SLAMF1: variants seen among roughly 807,000 people sequenced by gnomAD.
The protein encoded by SLAMF1 is signaling lymphocytic activation molecule family member 1.
A neutral mutation model predicts 35.1 loss-of-function variants in SLAMF1; 18 were observed. The ratio of observed to expected loss-of-function variants is 0.51; its 90% confidence interval spans 0.35 to 0.76. The LOEUF (loss-of-function observed/expected upper bound fraction) is 0.76, where lower values mean the gene tolerates loss of function less well. Ranked by LOEUF, SLAMF1 falls within the 30% of genes least tolerant of loss-of-function variation. The pLI is 0.01. For synonymous variants in SLAMF1, 168 were observed against 157.2 expected (o/e 1.07, Z -0.51); for missense variants, 392 against 413.0 (o/e 0.95, Z 0.44).
rs1243999095 is a variant in SLAMF1 at position 160,642,676 on chromosome 1, A to G, written c.76+4194T>C. 6.6e-6 allele frequency among the ~76,000 whole-genome samples: 1 copy of G among 152,192 alleles called. No individual in the cohort carries two copies. ...GAGTCCAAGTTCTCCTCCCTCCAAAAGCAGAATGTACTCTGATTTGCCTTT... is the reference window on the plus strand; with the variant it reads ...GAGTCCAAGTTCTCCTCCCTCCAAAGGCAGAATGTACTCTGATTTGCCTTT... On this transcript the variant is annotated intron_variant, in intron 1 of 6. Transcript: ENST00000302035. This position sits in a 1 kb window ranked among gnomAD's most constrained non-coding sequence, Gnocchi z 4.2.
chr1:160,641,087 T>C (rs184130358), intron 1 of SLAMF1, among the ~76,000 whole-genome samples: 111 of 152,204 alleles, frequency 7.3e-4, no homozygotes, highest in African/African-American at 2.5e-3. Flanking sequence ...TATAAAGAAA[T>C]GAGAAAAAAT....
intron 4 of SLAMF1, among the ~76,000 whole-genome samples, chr1:160,622,208 T>G (rs1364190352): frequency 3.3e-5 from 5 of 152,220 alleles, no homozygotes; most frequent in African/African-American, 7.2e-5. Context: ...AAGAACAGGT[T>G]TTTAGGAGTA....
Position 160,637,535 on chromosome 1 carries a change from G to A in SLAMF1, c.77-6C>T. ...GCAGTTCATCATGCGCCCACCTGTG[G>A]GAGGGAGGAGAAGAGAGTCCCTTAT... is the stretch of plus-strand genomic sequence containing the variant. On this transcript the variant is annotated splice_polypyrimidine_tract_variant and splice_region_variant and intron_variant, in intron 1 of 6. Coordinates refer to ENST00000302035, the MANE Select transcript of SLAMF1 (RefSeq NM_003037.5). 1 of 1,602,572 alleles carries A rather than the reference G, an allele frequency of 6.2e-7. No individual in the cohort carries two copies. Among genetic ancestry groups the A allele is most frequent in the Non-Finnish European group, 8.5e-7 (1 of 1,176,454 alleles).
At chr1:160,616,527 A>C (rs1659310636) in intron 5 of SLAMF1, among the ~76,000 whole-genome samples, 1 of 152,224 alleles carries the variant, frequency 6.6e-6, no homozygotes, top group African/African-American at 2.4e-5. Flanking sequence ...CTACAACAAA[A>C]TTAAGACCTT....
intron 4 of SLAMF1, among the ~76,000 whole-genome samples, chr1:160,622,386 A>G (rs1558006185): frequency 6.6e-6 from 1 of 152,214 alleles, no homozygotes; most frequent in Non-Finnish European, 1.5e-5. Context: ...GAGGGCATAG[A>G]GTATCTAATA....
intron 5 of SLAMF1, among the ~76,000 whole-genome samples, chr1:160,613,493 C>T (rs1659113257): frequency 6.6e-6 from 1 of 152,108 alleles, no homozygotes; most frequent in Admixed American, 6.5e-5. Context: ...AAATTGAGAC[C>T]ACATCCTTGT....
At chr1:160,632,802 A>G (rs912024350) in intron 3 of SLAMF1, among the ~76,000 whole-genome samples, 4 of 152,202 alleles carry the variant, frequency 2.6e-5, no homozygotes, top group African/African-American at 9.7e-5. Context: ...TTACATTTTT[A>G]TTATGGTTTA....
At chr1:160,620,986 G>T (rs1432122389) in intron 4 of SLAMF1, among the ~76,000 whole-genome samples, 5 of 152,172 alleles carry the variant, frequency 3.3e-5, no homozygotes, top group African/African-American at 1.2e-4. Context: ...CACACAAGAG[G>T]TGTCATTCTG....
At chr1:160,645,352 C>G (rs1431407975) in intron 1 of SLAMF1, among the ~76,000 whole-genome samples, 1 of 152,186 alleles carries the variant, frequency 6.6e-6, no homozygotes, top group African/African-American at 2.4e-5. Context: ...CACTGAAAAA[C>G]TTTTGTGAAG....
intron 4 of SLAMF1, among the ~76,000 whole-genome samples, chr1:160,621,338 A>G (rs554767526): frequency 9.2e-5 from 14 of 152,268 alleles, no homozygotes; most frequent in African/African-American, 3.4e-4. Flanking sequence ...AGGTGGGCAG[A>G]TCACGAGGTC....
chr1:160,632,280 C>A (rs1320044341), intron 3 of SLAMF1, among the ~76,000 whole-genome samples: 1 of 152,074 alleles, frequency 6.6e-6, no homozygotes, highest in Non-Finnish European at 1.5e-5. Context: ...ATTTGTTCGC[C>A]CTTTTCATTT....
intron 2 of SLAMF1, 180 bp downstream of exon 2, chr1:160,637,010 GA>G (rs561093175): frequency 9.5e-5 from 55 of 579,940 alleles, no homozygotes; most frequent in Admixed American, 1.5e-4. Flanking sequence ...ATGCAATTTG[GA>G]AAAAAAAATG....
At chr1:160,619,731 C>T in intron 5 of SLAMF1, 45 bp downstream of exon 5, 1 of 1,241,930 alleles carries the variant, frequency 8.1e-7, no homozygotes. Context: ...CAGGAATACT[C>T]TAGGAAACAT....
At chr1:160,627,831 C>T (rs114762960) in intron 3 of SLAMF1, among the ~76,000 whole-genome samples, 2,373 of 152,196 alleles carry the variant, frequency 0.016, 55 homozygotes, top group African/African-American at 0.054. Flanking sequence ...GGTTTGGCCA[C>T]GCCCCCACCC....
chr1:160,623,288 A>G (rs553419763), intron 4 of SLAMF1, among the ~76,000 whole-genome samples: 1 of 152,198 alleles, frequency 6.6e-6, no homozygotes, highest in Non-Finnish European at 1.5e-5. Flanking sequence ...TATCTGAATC[A>G]CCCATCCCTC....
rs896304424 is a variant in SLAMF1 at position 160,642,747 on chromosome 1, C to T, written c.76+4123G>A. 6.6e-6 allele frequency among the ~76,000 whole-genome samples: 1 copy of T among 152,232 alleles called. No individual in the cohort carries two copies. The highest frequency in any genetic ancestry group is 2.1e-4 in the South Asian group (1 of 4,824). ...ATTATGGAAGAAAGTGGTGGGGACC[C>T]TTTTCCCCACTTGCCAGCTGAGGAC... On this transcript the variant is annotated intron_variant, in intron 1 of 6. Transcript: ENST00000302035. This position sits in a 1 kb window ranked among gnomAD's most constrained non-coding sequence, Gnocchi z 4.2.
At chr1:160,617,667 T>C (rs1659378928) in intron 5 of SLAMF1, among the ~76,000 whole-genome samples, 1 of 152,162 alleles carries the variant, frequency 6.6e-6, no homozygotes, top group African/African-American at 2.4e-5. Flanking sequence ...ATAGTGGTTA[T>C]CTTTGGGGAG....
At chr1:160,637,991 G>A (rs1315482414) in intron 1 of SLAMF1, among the ~76,000 whole-genome samples, 1 of 152,108 alleles carries the variant, frequency 6.6e-6, no homozygotes, top group Admixed American at 6.5e-5. Flanking sequence ...TTCAGATCAT[G>A]AGGAAAACAG....
intron 4 of SLAMF1, among the ~76,000 whole-genome samples, chr1:160,622,018 G>C (rs1472485509): frequency 6.6e-6 from 1 of 152,112 alleles, no homozygotes; most frequent in Non-Finnish European, 1.5e-5. Flanking sequence ...TACAAATAGA[G>C]TAGAGAACAG....
Sources: allele counts gnomAD v4.1 joint callset (sites outside exome capture counted in the v4.1 genomes callset), GRCh38; gene constraint gnomAD v4.1.1; non-coding constraint Gnocchi (gnomAD v3.1); transcripts MANE v1.5; gene names NCBI Gene and HGNC (gene_info 2026-07-23, HGNC 2026-07-21).